Variants in HECW2 observed in about 807,000 individuals in gnomAD.
HECW2 encodes the protein HECT, C2 and WW domain containing E3 ubiquitin protein ligase 2, also known as E3 ubiquitin-protein ligase HECW2.
In HECW2, 61 loss-of-function variants were observed where a neutral mutation model predicts 175.2. The ratio of observed to expected loss-of-function variants is 0.35; its 90% CI spans 0.28 to 0.43. HECW2 has a LOEUF of 0.43. HECW2 is among the 20% of genes least tolerant of loss of function. The pLI, the probability that HECW2 is intolerant of heterozygous loss-of-function variation, is 1.00. For missense variants in HECW2, 1,524 were observed against 2,000.5 expected (o/e 0.76, Z 4.54); for synonymous variants, 671 against 731.0 (o/e 0.92, Z 1.32).
intron 18 of HECW2, 66 bp from the exon 19 acceptor site, chr2:196,254,095 A>C: frequency 6.3e-7 from 1 of 1,591,516 alleles, no homozygotes; most frequent in Non-Finnish European, 8.6e-7. Context: ...CTAAATCCCA[A>C]AGGAGTAGAA....
At chr2:196,344,060 T>C (rs1692860881) in intron 2 of HECW2, among the ~76,000 whole-genome samples, 1 of 152,126 alleles carries the variant, frequency 6.6e-6, no homozygotes, top group Admixed American at 6.5e-5. Context: ...CAACTTTAGC[T>C]ATGAGCTGAT....
chr2:196,567,433 G>A (rs1038758129), intron 1 of HECW2, among the ~76,000 whole-genome samples: 8 of 152,126 alleles, frequency 5.3e-5, no homozygotes, highest in Non-Finnish European at 1.0e-4. Context: ...AATATGAAGC[G>A]TTGGTTTGGC....
At position 196,323,915 on chromosome 2, in the gene HECW2, G is replaced by GT. The variant is rs1160140452; in HGVS notation, c.741+1064dup. On this transcript the variant is annotated intron_variant, in intron 6 of 28. Transcript: ENST00000644978. ...CCCTTAAGAGTTTTTTTTGTTTTTT[G>GT]TTTGTTTTTTTTTTTTTTTTTTACC... is the stretch of plus-strand genomic sequence containing the variant. Among the ~76,000 whole-genome samples, 61 of 68,820 alleles carry GT rather than the reference G, an allele frequency of 8.9e-4. 4 individuals are homozygous for GT. The highest frequency in any genetic ancestry group is 2.5e-3 in the South Asian group (4 of 1,626). 45.1% of individuals were successfully genotyped at this position (68,820 alleles called of 152,430 possible). A position where few individuals can be genotyped will look rare whatever the true frequency, so the allele number is the denominator to read the frequency against.
At chr2:196,397,777 A>G (rs1694711086) in intron 2 of HECW2, among the ~76,000 whole-genome samples, 1 of 152,238 alleles carries the variant, frequency 6.6e-6, no homozygotes, top group Admixed American at 6.5e-5. Flanking sequence ...AACTGTTTAG[A>G]TATCATTTCC....
chr2:196,459,249 G>A (rs1442145694), intron 1 of HECW2, among the ~76,000 whole-genome samples: 2 of 152,194 alleles, frequency 1.3e-5, no homozygotes, highest in South Asian at 2.1e-4. Flanking sequence ...TAAAGCTTGA[G>A]AAGACTTAGC....
chr2:196,348,252 T>A lies in HECW2; in HGVS notation c.293-4488A>T, dbSNP rs546218127. ...GATTTTTTTGTATAGGCCAACATAT[T>A]TTTTTTCCTATATTCAATGAACTAT... On this transcript the variant is annotated intron_variant, in intron 2 of 28. Coordinates refer to ENST00000644978, the MANE Select transcript of HECW2 (RefSeq NM_001348768.2). 8.7e-4 allele frequency among the ~76,000 whole-genome samples: 133 copies of A among 152,298 alleles called. No individual in the cohort carries two copies. The Middle Eastern group carries it at 0.014, about 16-fold the overall frequency.
intron 2 of HECW2, among the ~76,000 whole-genome samples, chr2:196,364,823 A>T (rs1193717270): frequency 6.6e-6 from 1 of 152,208 alleles, no homozygotes; most frequent in African/African-American, 2.4e-5. Context: ...CAGAGTATGG[A>T]TGGGCCATCA....
At chr2:196,545,401 G>A (rs1689376563) in intron 1 of HECW2, among the ~76,000 whole-genome samples, 1 of 152,138 alleles carries the variant, frequency 6.6e-6, no homozygotes, top group South Asian at 2.1e-4. Context: ...AAGCCCAACG[G>A]GAGAGCAGAA....
At chr2:196,538,100 C>T (rs140221554) in intron 1 of HECW2, among the ~76,000 whole-genome samples, 137 of 152,278 alleles carry the variant, frequency 9.0e-4, no homozygotes, top group Non-Finnish European at 1.4e-3. Context: ...CGAAGGAGTC[C>T]GACAGAGACA....
At chr2:196,526,085 T>C (rs1274724991) in intron 1 of HECW2, among the ~76,000 whole-genome samples, 2 of 46,858 alleles carry the variant, frequency 4.3e-5, no homozygotes, top group African/African-American at 2.0e-4. Context: ...TCCAACTTGG[T>C]TCCATTCTCC....
rs1688130602 is a variant in HECW2 at position 196,233,438 on chromosome 2, A to G, written c.3765-5184T>C. Among the ~76,000 whole-genome samples the G allele has an allele frequency of 2.0e-5, 3 of 152,228 alleles. No individual in the cohort carries two copies. The South Asian group carries it at 6.2e-4, about 32-fold the overall frequency. Reference sequence around the variant, plus strand: ...TCCCATTCTTTATTTTCAACTAAGAATTACTGAAAACTAAGTATTCTAATG... The same window carrying G: ...TCCCATTCTTTATTTTCAACTAAGAGTTACTGAAAACTAAGTATTCTAATG... On this transcript the variant is annotated intron_variant, in intron 21 of 28. Coordinates refer to ENST00000644978, the MANE Select transcript of HECW2 (RefSeq NM_001348768.2).
intron 1 of HECW2, among the ~76,000 whole-genome samples, chr2:196,459,571 T>A (rs1696656100): frequency 1.3e-5 from 2 of 151,838 alleles, no homozygotes; most frequent in Admixed American, 1.3e-4. Flanking sequence ...CCTCATGATG[T>A]CCCCTCCCTC....
At chr2:196,392,629 TA>T (rs1694547728) in intron 2 of HECW2, among the ~76,000 whole-genome samples, 1 of 151,974 alleles carries the variant, frequency 6.6e-6, no homozygotes, top group Non-Finnish European at 1.5e-5. Context: ...TAACAAAATA[TA>T]AAATACAAAA....
chr2:196,512,826 A>T (rs531821923), intron 1 of HECW2, among the ~76,000 whole-genome samples: 30 of 151,974 alleles, frequency 2.0e-4, no homozygotes, highest in African/African-American at 6.0e-4. Flanking sequence ...AGTACCTGGG[A>T]TTACAGGTGC....
At chr2:196,255,147 ATTT>A (rs768416431) in intron 18 of HECW2, among the ~76,000 whole-genome samples, 12 of 95,426 alleles carry the variant, frequency 1.3e-4, no homozygotes, top group African/African-American at 4.7e-4. Context: ...TAATTTTTCT[ATTT>A]TTTTTTTTTT....
intron 2 of HECW2, among the ~76,000 whole-genome samples, chr2:196,406,613 G>A (rs1412513215): frequency 1.3e-5 from 2 of 152,116 alleles, no homozygotes; most frequent in Non-Finnish European, 2.9e-5. Flanking sequence ...TATGTTGGTT[G>A]ACAAAGTTCT....
chr2:196,267,549 G>C (rs202102037), intron 17 of HECW2, among the ~76,000 whole-genome samples: 3 of 151,806 alleles, frequency 2.0e-5, no homozygotes, highest in African/African-American at 7.3e-5. Flanking sequence ...AAAAAAAAAG[G>C]ACAGCAACTT....
chr2:196,546,654 C>T (rs1292388403), intron 1 of HECW2, among the ~76,000 whole-genome samples: 1 of 152,130 alleles, frequency 6.6e-6, no homozygotes, highest in African/African-American at 2.4e-5. Flanking sequence ...CAGCTCTGGA[C>T]TGGGTATGAG....
chr2:196,535,823 C>A (rs1206460491), intron 1 of HECW2, among the ~76,000 whole-genome samples: 1 of 152,074 alleles, frequency 6.6e-6, no homozygotes, highest in Non-Finnish European at 1.5e-5. Context: ...TGTCCCTTCA[C>A]GTTTGTCTAG....
Sources: allele counts gnomAD v4.1 joint callset (sites outside exome capture counted in the v4.1 genomes callset), GRCh38; gene constraint gnomAD v4.1.1; transcripts MANE v1.5; gene names NCBI Gene and HGNC (gene_info 2026-07-23, HGNC 2026-07-21).